PCCA: variants seen among roughly 807,000 people sequenced by gnomAD.
PCCA encodes propionyl-CoA carboxylase alpha chain, mitochondrial.
In PCCA, 74 loss-of-function variants were observed where a neutral mutation model predicts 101.3. That is an observed-to-expected ratio of 0.73 (90% CI 0.61 to 0.89). The LOEUF (loss-of-function observed/expected upper bound fraction) is 0.89. PCCA is among the 40% of genes least tolerant of loss of function. The pLI, the probability that PCCA is intolerant of heterozygous loss-of-function variation, is 0.00. For synonymous variants in PCCA, 294 were observed against 313.6 expected (o/e 0.94, Z 0.66); for missense variants, 891 against 907.0 (o/e 0.98, Z 0.23).
At position 100,182,959 on chromosome 13, in the gene PCCA, T is replaced by A. The variant is rs558103044; in HGVS notation, c.468+25619T>A. 3.9e-5 allele frequency among the ~76,000 whole-genome samples: 6 copies of A among 152,282 alleles called. No homozygotes were observed. The East Asian group carries it at 1.2e-3, about 29-fold the overall frequency. On this transcript the variant is annotated intron_variant, in intron 6 of 23. Coordinates refer to ENST00000376285, the MANE Select transcript of PCCA (RefSeq NM_000282.4). ...GGCAGTTCAGGAAAATCAGACTAAC[T>A]CTGCCACCAAATGTCTCTTAAACCA...
chr13:100,489,433 C>T (rs1436450982), intron 21 of PCCA, among the ~76,000 whole-genome samples: 4 of 152,226 alleles, frequency 2.6e-5, no homozygotes, highest in Non-Finnish European at 5.9e-5. Flanking sequence ...AAAGATTGAC[C>T]ATCTAGCCCA....
chr13:100,201,177 T>A (rs2058463901), intron 6 of PCCA, among the ~76,000 whole-genome samples: 1 of 152,198 alleles, frequency 6.6e-6, no homozygotes, highest in Non-Finnish European at 1.5e-5. Context: ...AAAATGTGGC[T>A]GTTATCTATA....
intron 5 of PCCA, 72 bp from the exon 6 acceptor site, chr13:100,157,215 C>A: frequency 1.0e-6 from 1 of 965,112 alleles, no homozygotes; most frequent in Non-Finnish European, 1.7e-6. Context: ...TACATAAATG[C>A]ACTGTACATT....
At chr13:100,148,875 C>A (rs1479311403) in intron 4 of PCCA, among the ~76,000 whole-genome samples, 2 of 152,090 alleles carry the variant, frequency 1.3e-5, no homozygotes, top group Non-Finnish European at 2.9e-5. Flanking sequence ...CTTTGAAAAT[C>A]ATGTAAGTTA....
At chr13:100,104,587 A>G (rs1014059226) in intron 2 of PCCA, 1 of 152,356 alleles carries the variant, frequency 6.6e-6, no homozygotes, top group Non-Finnish European at 1.5e-5. Context: ...CTCCCCAGCC[A>G]TGCGGAACTG....
intron 8 of PCCA, among the ~76,000 whole-genome samples, chr13:100,251,721 C>T (rs9585390): frequency 0.032 from 4,869 of 152,214 alleles, 254 homozygotes; most frequent in African/African-American, 0.11. Flanking sequence ...TGGATGCCAT[C>T]TTAAGTAATC....
At chr13:100,324,689 C>A (rs957848282) in intron 16 of PCCA, among the ~76,000 whole-genome samples, 2 of 152,068 alleles carry the variant, frequency 1.3e-5, no homozygotes, top group Non-Finnish European at 2.9e-5. Flanking sequence ...AAATCATAAC[C>A]ACATTAAGAT....
At chr13:100,482,028 T>A (rs2083984694) in intron 21 of PCCA, among the ~76,000 whole-genome samples, 1 of 152,264 alleles carries the variant, frequency 6.6e-6, no homozygotes, top group South Asian at 2.1e-4. Context: ...AATATATGCT[T>A]TGTCTTAGAA....
At chr13:100,509,582 ATTAC>A (rs1449683269) in intron 21 of PCCA, among the ~76,000 whole-genome samples, 1 of 152,236 alleles carries the variant, frequency 6.6e-6, no homozygotes, top group Admixed American at 6.5e-5. Flanking sequence ...AAGCTTTTAA[ATTAC>A]TACTTGCTTC....
chr13:100,201,611 C>G (rs2058496450), intron 6 of PCCA, among the ~76,000 whole-genome samples: 1 of 152,054 alleles, frequency 6.6e-6, no homozygotes, highest in Admixed American at 6.6e-5. Context: ...GTAATCCCTG[C>G]ATTTTGAGAG....
chr13:100,394,572 T>TA lies in PCCA; in HGVS notation c.1746+26000dup, dbSNP rs2076960197. Among the ~76,000 whole-genome samples the TA allele has an allele frequency of 6.6e-6, 1 of 152,128 alleles. No homozygotes were observed. The highest frequency in any genetic ancestry group is 2.4e-5 in the African/African-American group (1 of 41,428). On this transcript the variant is annotated intron_variant, in intron 19 of 23. Transcript: ENST00000376285. The surrounding 1 kb of genome is among the most constrained non-coding windows in gnomAD (Gnocchi z 4.3). ...GATAGAAACCAGTAACTGAATCTGG[T>TA]AACAGGGTAGTTGTTTGTTTCAGAA... is the stretch of plus-strand genomic sequence containing the variant.
chr13:100,199,852 A>G (rs1365955606), intron 6 of PCCA, among the ~76,000 whole-genome samples: 1 of 152,174 alleles, frequency 6.6e-6, no homozygotes, highest in African/African-American at 2.4e-5. Context: ...TTTATTTACT[A>G]TTTCTGAAGT....
In PCCA at chr13:100,361,970, A is replaced by G. The variant is rs143919900; in HGVS notation, c.1644-6502A>G. Among the ~76,000 whole-genome samples the G allele has an allele frequency of 5.7e-3, 869 of 152,332 alleles. 11 individuals carry two copies. The highest frequency in any genetic ancestry group is 0.02 in the African/African-American group (841 of 41,570). On this transcript the variant is annotated intron_variant, in intron 18 of 23. Transcript: ENST00000376285. ...AAGAATATCTACAGTGGCTTTGTTT[A>G]TAACAGCCCCAAACTGGAAACCACC...
rs990383362 is a variant in PCCA, at chr13:100,383,973, G to A, written c.1746+15399G>A. On this transcript the variant is annotated intron_variant, in intron 19 of 23. Coordinates refer to ENST00000376285, the MANE Select transcript of PCCA (RefSeq NM_000282.4). ...GTTTTGTTCTGGATTTCTTGACTAAGAAAACATTCCACCATAGTTTATTTT... is the reference window on the plus strand; with the variant it reads ...GTTTTGTTCTGGATTTCTTGACTAAAAAAACATTCCACCATAGTTTATTTT... 3.3e-5 allele frequency among the ~76,000 whole-genome samples: 5 copies of A among 151,528 alleles called. No homozygotes were observed. In the South Asian group the frequency reaches 6.3e-4, roughly 19 times the overall value.
intron 19 of PCCA, among the ~76,000 whole-genome samples, chr13:100,423,379 C>G (rs1477137313): frequency 2.0e-5 from 3 of 152,216 alleles, no homozygotes; most frequent in Admixed American, 2.0e-4. Context: ...GCCTATACTT[C>G]CATCTAGATT....
At chr13:100,120,194 T>G (rs2049236815) in intron 4 of PCCA, among the ~76,000 whole-genome samples, 1 of 151,364 alleles carries the variant, frequency 6.6e-6, no homozygotes, top group African/African-American at 2.4e-5. Flanking sequence ...TTTTTTTTTT[T>G]TTGAGACAGA....
intron 16 of PCCA, among the ~76,000 whole-genome samples, chr13:100,327,131 A>T (rs951017496): frequency 3.9e-5 from 6 of 152,156 alleles, no homozygotes; most frequent in Non-Finnish European, 7.3e-5. Context: ...GAGTTTTGAC[A>T]TACGTATACA....
intron 21 of PCCA, among the ~76,000 whole-genome samples, chr13:100,493,053 C>T (rs1220586683): frequency 6.6e-6 from 1 of 152,206 alleles, no homozygotes; most frequent in African/African-American, 2.4e-5. Context: ...CTCCGCTGAG[C>T]TGTTTTAACA....
intron 7 of PCCA, among the ~76,000 whole-genome samples, chr13:100,222,816 T>C (rs542044305): frequency 3.3e-5 from 5 of 152,360 alleles, no homozygotes; most frequent in African/African-American, 1.2e-4. Context: ...AATTTTAGTT[T>C]GTTACATTTC....
Sources: gnomAD v4.1 joint callset for allele counts (sites outside exome capture counted in the v4.1 genomes callset) on GRCh38, gnomAD v4.1.1 for gene constraint, Gnocchi (gnomAD v3.1) non-coding constraint, MANE v1.5 for transcripts, NCBI Gene and HGNC (gene_info 2026-07-23, HGNC 2026-07-21) for gene names.